Variants in COL6A5 observed in about 807,000 individuals in gnomAD.
The protein encoded by COL6A5 is collagen type VI alpha 5 chain.
Under a neutral mutation model 65.6 loss-of-function variants are expected in COL6A5, and 48 were observed. That is an observed-to-expected ratio of 0.73 (90% CI 0.58 to 0.93). The LOEUF is 0.93. COL6A5 is among the 40% of genes least tolerant of loss of function. COL6A5 has a pLI of 0.00. For missense variants in COL6A5, 914 were observed against 928.3 expected, an observed-to-expected ratio of 0.98 and a Z score of 0.20; for synonymous variants, 291 against 322.8, an observed-to-expected ratio of 0.90 and a Z score of 1.05.
upstream of COL6A5, among the ~76,000 whole-genome samples, chr3:130,427,062 G>T (rs529443750): frequency 3.3e-5 from 5 of 152,240 alleles, no homozygotes; most frequent in South Asian, 8.3e-4. Flanking sequence ...TACACTTATA[G>T]AATAATTAGG....
exon 3 of COL6A5, chr3:130,440,382 C>T (rs1314473767): frequency 6.2e-7 from 1 of 1,613,388 alleles, no homozygotes; most frequent in East Asian, 2.2e-5. Flanking sequence ...AGCTATTCTC[C>T]TTGGGAAAGT....
At chr3:130,468,376 T>A (rs993633347) in intron 5 of COL6A5, among the ~76,000 whole-genome samples, 1 of 152,110 alleles carries the variant, frequency 6.6e-6, no homozygotes, top group Admixed American at 6.6e-5. Flanking sequence ...TTGCTACCAA[T>A]AAATGTAACT....
At chr3:130,407,309 G>T (rs1937025043) in intron 17 of COL6A5, among the ~76,000 whole-genome samples, 1 of 152,192 alleles carries the variant, frequency 6.6e-6, no homozygotes, top group South Asian at 2.1e-4. Flanking sequence ...TCAAGAGATT[G>T]GGAGGGCACT....
In COL6A5 at chr3:130,483,932, T is replaced by G. The variant is rs948120680; in HGVS notation, c.2329-103T>G. The stretch of plus-strand genomic sequence containing the variant: ...TTGACCATTGAAAATGACAAAAATA[T>G]TGTGTTTGTTTTATATGTGGCATAT... On this transcript the variant is annotated intron_variant, in intron 7 of 7. Coordinates refer to ENST00000512836, the Ensembl canonical transcript of COL6A5. 34 of 974,956 alleles carry G rather than the reference T, an allele frequency of 3.5e-5. No individual in the cohort carries two copies. In the African/African-American group the frequency reaches 5.1e-4, roughly 15 times the overall value. The allele number at this position is 974,956 out of a possible 1,614,324, so 60.4% of individuals were successfully genotyped here. A position where few individuals can be genotyped will look rare whatever the true frequency, so the allele number is the denominator to read the frequency against.
At chr3:130,471,981 C>G in intron 7 of COL6A5, 55 bp downstream of exon 40, 1 of 1,472,944 alleles carries the variant, frequency 6.8e-7, no homozygotes. Context: ...TTTGGATTTT[C>G]CCCTGGTGGA....
At chr3:130,405,997 T>TC in exon 15 of COL6A5, 1 of 1,551,440 alleles carries the variant, frequency 6.4e-7, no homozygotes. Context: ...TTGCAGGGAC[T>TC]CAAAGGATTT....
At chr3:130,466,996 C>G (rs1709833689) in intron 5 of COL6A5, among the ~76,000 whole-genome samples, 1 of 151,916 alleles carries the variant, frequency 6.6e-6, no homozygotes, top group Non-Finnish European at 1.5e-5. Context: ...GATGATTTCA[C>G]TGGTGAATTC....
At chr3:130,369,562 C>G (rs1418556944) in intron 1 of COL6A5, among the ~76,000 whole-genome samples, 3 of 152,132 alleles carry the variant, frequency 2.0e-5, no homozygotes, top group Non-Finnish European at 4.4e-5. Context: ...ACTTTAACAC[C>G]TCATGCCATA....
At chr3:130,413,675 T>C in intron 21 of COL6A5, 95 bp downstream of exon 21, 4 of 1,266,218 alleles carry the variant, frequency 3.2e-6, no homozygotes, top group African/African-American at 1.5e-5. Flanking sequence ...ATGAGCATTT[T>C]ACAAGGGTAT....
At chr3:130,433,700 GT>G (rs1384485878) in intron 1 of COL6A5, among the ~76,000 whole-genome samples, 1 of 152,120 alleles carries the variant, frequency 6.6e-6, no homozygotes, top group Non-Finnish European at 1.5e-5. Context: ...GAGAGTGTCT[GT>G]TTCCCCTCAT....
At chr3:130,422,875 C>A in intron 28 of COL6A5, 93 bp downstream of exon 28, 1 of 758,474 alleles carries the variant, frequency 1.3e-6, no homozygotes, top group Non-Finnish European at 2.0e-6. Context: ...TTGATTCAAC[C>A]CAAGGGCATC....
At chr3:130,474,469 A>G (rs1265743966) in intron 7 of COL6A5, among the ~76,000 whole-genome samples, 1 of 152,072 alleles carries the variant, frequency 6.6e-6, no homozygotes, top group Non-Finnish European at 1.5e-5. Flanking sequence ...AAAGACAACC[A>G]ACATGCCAAC....
At chr3:130,430,353 T>A (rs760997028), upstream of COL6A5, among the ~76,000 whole-genome samples, 22 of 152,350 alleles carry the variant, frequency 1.4e-4, no homozygotes, top group Non-Finnish European at 2.8e-4. Context: ...GGTAAAATTC[T>A]TTGATTCAAA....
chr3:130,441,379 C>G (rs918852796), intron 3 of COL6A5, among the ~76,000 whole-genome samples: 10 of 152,276 alleles, frequency 6.6e-5, no homozygotes, highest in Admixed American at 3.9e-4. Context: ...TCACATGGCT[C>G]TAGGCCAGTG....
At chr3:130,360,064 TA>T (rs1263799482) in intron 1 of COL6A5, among the ~76,000 whole-genome samples, 1 of 152,044 alleles carries the variant, frequency 6.6e-6, no homozygotes, top group Non-Finnish European at 1.5e-5. Flanking sequence ...ATATTTATAT[TA>T]AATCATTTTC....
chr3:130,352,205 TA>T (rs951286969), intron 1 of COL6A5, among the ~76,000 whole-genome samples: 3 of 150,072 alleles, frequency 2.0e-5, no homozygotes, highest in African/African-American at 7.3e-5. Context: ...ATACCTAATG[TA>T]AATGATGAGT....
chr3:130,426,169 T>C, intron 29 of COL6A5, 45 bp from the exon 30 acceptor site: 2 of 1,540,438 alleles, frequency 1.3e-6, no homozygotes, highest in Non-Finnish European at 1.8e-6. Context: ...GACTAAAGAC[T>C]TCAGTTGGCA....
intron 1 of COL6A5, among the ~76,000 whole-genome samples, chr3:130,370,506 G>A (rs1577436713): frequency 6.6e-6 from 1 of 152,196 alleles, no homozygotes; most frequent in African/African-American, 2.4e-5. Context: ...CATCTTATCT[G>A]GAGGAATACA....
chr3:130,435,515 A>G (rs1428781570), intron 1 of COL6A5, among the ~76,000 whole-genome samples: 8 of 151,832 alleles, frequency 5.3e-5, no homozygotes, highest in Admixed American at 4.6e-4. Context: ...CATTGAATCT[A>G]TAAATAACTT....
Sources: allele counts gnomAD v4.1 joint callset (sites outside exome capture counted in the v4.1 genomes callset), GRCh38; gene constraint gnomAD v4.1.1; transcripts MANE v1.5; gene names NCBI Gene and HGNC (gene_info 2026-07-23, HGNC 2026-07-21).